Variants in CHRM3 observed in about 807,000 individuals in gnomAD.
The protein encoded by CHRM3 is muscarinic acetylcholine receptor M3.
A neutral mutation model predicts 41.8 loss-of-function variants in CHRM3; 11 were observed. The ratio of observed to expected loss-of-function variants is 0.26; its 90% CI spans 0.17 to 0.44. The LOEUF is 0.44. Ranked by LOEUF, CHRM3 falls within the 20% of genes least tolerant of loss-of-function variation. CHRM3 has a pLI of 1.00. For synonymous variants in CHRM3, 297 were observed against 301.4 expected, an observed-to-expected ratio of 0.99 and a Z score of 0.15; for missense variants, 571 against 745.4, an observed-to-expected ratio of 0.77 and a Z score of 2.72.
chr1:239,652,981 G>A (rs1333830274), intron 4 of CHRM3, among the ~76,000 whole-genome samples: 1 of 152,144 alleles, frequency 6.6e-6, no homozygotes, highest in Non-Finnish European at 1.5e-5. Context: ...ATAATATATG[G>A]TCTAAATGAC....
At chr1:239,589,203 G>T (rs1663789382) in intron 3 of CHRM3, among the ~76,000 whole-genome samples, 1 of 152,022 alleles carries the variant, frequency 6.6e-6, no homozygotes, top group African/African-American at 2.4e-5. Context: ...CAAATTGCTG[G>T]GATTACAGGC....
At chr1:239,455,640 A>T (rs1304964303) in intron 1 of CHRM3, among the ~76,000 whole-genome samples, 3 of 152,242 alleles carry the variant, frequency 2.0e-5, no homozygotes, top group African/African-American at 7.2e-5. Context: ...GTATAAGGGT[A>T]TAAAGAAACC....
In CHRM3 at chr1:239,907,651, A is replaced by T. The variant is rs1252255489; in HGVS notation, c.200A>T (p.Gln67Leu). The T allele has an allele frequency of 6.2e-7, 1 of 1,613,990 alleles. No individual in the cohort carries two copies. The highest frequency in any genetic ancestry group is 8.5e-7 in the Non-Finnish European group (1 of 1,180,022). Residue 67 changes from glutamine (Q) to leucine (L), a missense_variant, in exon 7 of 7, where the codon CAA becomes CTA. Around this residue, in one of 5 missense-constraint regions of CHRM3, gnomAD observed 153 missense variants for 296.3 expected, o/e 0.52. Transcript: ENST00000676153. This position sits in a 1 kb window ranked among gnomAD's most constrained non-coding sequence, Gnocchi z 5.4. ...CCTCTGGGAGGTCATACCGTCTGGC[A>T]AGTGGTCTTCATCGCTTTCTTAACG... ...DDPLGGHTVW[Q>L]VVFIAFLTGI...
intron 3 of CHRM3, among the ~76,000 whole-genome samples, chr1:239,565,093 C>T (rs547733977): frequency 6.6e-5 from 10 of 152,170 alleles, no homozygotes; most frequent in Non-Finnish European, 1.2e-4. Context: ...CCCTATGGGG[C>T]GGGGTCAGAT....
At chr1:239,801,040 A>G (rs111755139) in intron 5 of CHRM3, among the ~76,000 whole-genome samples, 86 of 152,316 alleles carry the variant, frequency 5.6e-4, no homozygotes, top group Admixed American at 1.0e-3. Context: ...CTAATGAGGA[A>G]ACGGGGTGCC....
At chr1:239,416,743 C>G (rs1661532164) in intron 1 of CHRM3, among the ~76,000 whole-genome samples, 1 of 152,102 alleles carries the variant, frequency 6.6e-6, no homozygotes. Context: ...TTTCTTCTCT[C>G]CAGTAGATTA....
intron 1 of CHRM3, among the ~76,000 whole-genome samples, chr1:239,455,699 T>TA (rs759886423): frequency 3.0e-4 from 45 of 152,354 alleles, no homozygotes; most frequent in Non-Finnish European, 5.4e-4. Flanking sequence ...AGCTAAGTGA[T>TA]ATTACGTTTG....
intron 6 of CHRM3, among the ~76,000 whole-genome samples, chr1:239,884,484 T>C (rs1285929271): frequency 6.6e-6 from 1 of 152,250 alleles, no homozygotes; most frequent in Admixed American, 6.5e-5. Flanking sequence ...AATCCATTTC[T>C]ATTGTTTTAA....
intron 1 of CHRM3, among the ~76,000 whole-genome samples, chr1:239,489,139 C>A (rs1055193893): frequency 2.0e-5 from 3 of 152,010 alleles, no homozygotes; most frequent in Admixed American, 2.0e-4. Context: ...GGGGGCCAGG[C>A]GTGGTGGCTC....
intron 3 of CHRM3, among the ~76,000 whole-genome samples, chr1:239,605,117 T>G (rs1170972533): frequency 6.6e-6 from 1 of 152,202 alleles, no homozygotes; most frequent in Non-Finnish European, 1.5e-5. Context: ...CATGAAGTCA[T>G]GTAAGGATTG....
chr1:239,437,528 C>CTTTTTA (rs1047374885), intron 1 of CHRM3, among the ~76,000 whole-genome samples: 1 of 152,122 alleles, frequency 6.6e-6, no homozygotes, highest in Non-Finnish European at 1.5e-5. Flanking sequence ...GAAAGCCTTT[C>CTTTTTA]TTTTTATTTT....
At chr1:239,617,652 T>C (rs1442591359) in intron 3 of CHRM3, among the ~76,000 whole-genome samples, 1 of 152,190 alleles carries the variant, frequency 6.6e-6, no homozygotes, top group Non-Finnish European at 1.5e-5. Flanking sequence ...GAGGATTACT[T>C]CAGTCCAGGG....
chr1:239,494,613 G>A (rs936815752), intron 2 of CHRM3, among the ~76,000 whole-genome samples: 2 of 151,880 alleles, frequency 1.3e-5, no homozygotes, highest in Admixed American at 1.3e-4. Context: ...TTGAATATAT[G>A]CCCTGGTGGT....
chr1:239,711,041 C>A lies in CHRM3; in HGVS notation c.-147+32753C>A, dbSNP rs544917619. On this transcript the variant is annotated intron_variant, in intron 5 of 6. Coordinates refer to ENST00000676153, the MANE Select transcript of CHRM3 (RefSeq NM_001375978.1). ...GCAAAAATGCCACCTCCCCACAATA[C>A]CGCCCTGAGTTTCCAGGTAGCATAA... Among the ~76,000 whole-genome samples the A allele has an allele frequency of 1.4e-4, 21 of 152,264 alleles. No individual in the cohort carries two copies. In the South Asian group the frequency reaches 4.1e-3, roughly 30 times the overall value.
At chr1:239,747,239 A>AT (rs1181063178) in intron 5 of CHRM3, among the ~76,000 whole-genome samples, 2 of 152,230 alleles carry the variant, frequency 1.3e-5, no homozygotes, top group African/African-American at 4.8e-5. Flanking sequence ...AATAAATATG[A>AT]TTCATTACAT....
At chr1:239,778,068 A>G (rs1318331920) in intron 5 of CHRM3, among the ~76,000 whole-genome samples, 1 of 152,138 alleles carries the variant, frequency 6.6e-6, no homozygotes, top group Non-Finnish European at 1.5e-5. Flanking sequence ...TAAAGAACTT[A>G]TCCATGTAAC....
At chr1:239,756,722 G>A (rs1317228794) in intron 5 of CHRM3, among the ~76,000 whole-genome samples, 3 of 152,140 alleles carry the variant, frequency 2.0e-5, no homozygotes, top group Admixed American at 6.6e-5. Context: ...TAGAACCATC[G>A]AGTTCTATAA....
chr1:239,896,000 C>T (rs1391943818), intron 6 of CHRM3, among the ~76,000 whole-genome samples: 1 of 152,180 alleles, frequency 6.6e-6, no homozygotes, highest in Admixed American at 6.5e-5. Flanking sequence ...TGTAACTATT[C>T]ATCTCAATTA....
In CHRM3 at chr1:239,625,731, AG is replaced by A. The variant is rs1206476911; in HGVS notation, c.-312-6491del. Among the ~76,000 whole-genome samples, 15 of 31,086 alleles carry A rather than the reference AG, an allele frequency of 4.8e-4. 5 individuals are homozygous for A. Among genetic ancestry groups the A allele is most frequent in the Non-Finnish European group, 4.8e-5 (1 of 20,814 alleles). The allele number at this position is 31,086 out of a possible 152,430, so 20.4% of individuals were successfully genotyped here. A position where few individuals can be genotyped will look rare whatever the true frequency, so the allele number is the denominator to read the frequency against. ...ATGAAGGGTTGTTGAATTTTGTCAA[AG>A]GCTTTTTCTGCATCTATTGAGATAA... On this transcript the variant is annotated intron_variant, in intron 3 of 6. Coordinates refer to ENST00000676153, the MANE Select transcript of CHRM3 (RefSeq NM_001375978.1).
Sources: allele counts gnomAD v4.1 joint callset (sites outside exome capture counted in the v4.1 genomes callset), GRCh38; gene constraint gnomAD v4.1.1; regional missense constraint gnomAD v4.1.1; non-coding constraint Gnocchi (gnomAD v3.1); transcripts MANE v1.5; gene names NCBI Gene and HGNC (gene_info 2026-07-23, HGNC 2026-07-21).